The following TRIO variants were observed in gnomAD, a reference collection of about 807,000 sequenced individuals.
TRIO encodes the protein triple functional domain protein.
Under a neutral mutation model 351.9 loss-of-function variants are expected in TRIO, and 58 were observed. That is an observed-to-expected ratio of 0.16 (90% CI 0.13 to 0.21). The LOEUF is 0.21. Ranked by LOEUF, TRIO falls within the 10% of genes least tolerant of loss-of-function variation. TRIO has a pLI of 1.00. For synonymous variants in TRIO, 1,758 were observed against 1,595.7 expected (o/e 1.10, Z -2.42); for missense variants, 3,201 against 4,027.8 (o/e 0.79, Z 5.56).
intron 13 of TRIO, 107 bp downstream of exon 13, chr5:14,359,638 C>T: frequency 7.6e-7 from 1 of 1,312,684 alleles, no homozygotes; most frequent in Non-Finnish European, 1.1e-6. Flanking sequence ...TGTCCTCACC[C>T]ACACCCCAAC....
chr5:14,340,890 G>GTGGT (rs1418874380), intron 11 of TRIO, among the ~76,000 whole-genome samples: 1 of 152,190 alleles, frequency 6.6e-6, no homozygotes, highest in Non-Finnish European at 1.5e-5. Flanking sequence ...AATGCAGCAG[G>GTGGT]TGGTTGATAG....
In TRIO at chr5:14,344,757, G is replaced by T. The variant is rs143081876; in HGVS notation, c.2046+8030G>T. ...CTGCTTAATCTTCCTGTCCTCCTCC[G>T]AGTAATAACCTCACTCTGATCCTAT... On this transcript the variant is annotated intron_variant, in intron 11 of 56. Transcript: ENST00000344204. 2.6e-5 allele frequency among the ~76,000 whole-genome samples: 4 copies of T among 152,220 alleles called. No homozygotes were observed. In the East Asian group the frequency reaches 5.8e-4, roughly 22 times the overall value.
intron 34 of TRIO, among the ~76,000 whole-genome samples, chr5:14,451,011 T>A (rs1469808033): frequency 2.0e-5 from 3 of 152,230 alleles, no homozygotes; most frequent in African/African-American, 7.2e-5. Flanking sequence ...CCTCTCCAGA[T>A]ACTTGCTCAC....
At chr5:14,413,747 T>C (rs781304479) in intron 33 of TRIO, among the ~76,000 whole-genome samples, 9 of 152,168 alleles carry the variant, frequency 5.9e-5, no homozygotes, top group Non-Finnish European at 1.3e-4. Context: ...TAAGTTTGGT[T>C]AGAAATGTTA....
chr5:14,340,397 GAAAAAAAA>G (rs33944910), intron 11 of TRIO, among the ~76,000 whole-genome samples: 2 of 131,512 alleles, frequency 1.5e-5, no homozygotes, highest in South Asian at 4.9e-4. Context: ...ACTCCGTCTG[GAAAAAAAA>G]AAAAAAAAAG....
At position 14,487,639 on chromosome 5, in the gene TRIO, G is replaced by T; in HGVS notation, c.7011G>T (p.Arg2337=). 3.2e-6 allele frequency: 4 copies of T among 1,250,018 alleles called. No individual in the cohort carries two copies. Among genetic ancestry groups the T allele is most frequent in the Non-Finnish European group, 4.1e-6 (4 of 985,730 alleles). 77.4% of individuals were successfully genotyped at this position (1,250,018 alleles called of 1,614,324 possible). A position where few individuals can be genotyped will look rare whatever the true frequency, so the allele number is the denominator to read the frequency against. Residue 2337 remains arginine (R), a synonymous_variant, in exon 48 of 57, where the codon CGG becomes CGT. Coordinates refer to ENST00000344204, the MANE Select transcript of TRIO (RefSeq NM_007118.4). ...CGGAPSTSRS[R]PSRIPQPVRH... is the part of the protein sequence containing the mutation. The stretch of plus-strand genomic sequence containing the variant: ...GCGCCCCCAGCACGAGCAGGAGCCG[G>T]CCCTCCCGGATCCCCCAGCCTGTCC...
At chr5:14,145,160 C>T (rs545824527) in intron 1 of TRIO, among the ~76,000 whole-genome samples, 1 of 152,290 alleles carries the variant, frequency 6.6e-6, no homozygotes, top group East Asian at 1.9e-4. Context: ...TTTTCCGTGG[C>T]CTCTTTGAAA....
chr5:14,504,409 G>A lies in TRIO; in HGVS notation c.8428G>A (p.Val2810Ile), dbSNP rs753188120. ...AELGRGRFSV[V>I]KKCDQKGTKR... is the part of the protein sequence containing the mutation. ...ATTTTACAGGGGCAGATTCTCTGTC[G>A]TTAAGAAATGTGATCAGAAAGGAAC... Residue 2810 changes from valine (V) to isoleucine (I), a missense_variant, in exon 55 of 57, where the codon GTT becomes ATT. Physicochemically the swap from Val to Ile is conservative, Grantham distance 29. This residue lies in a region of TRIO where 1,089 missense variants were observed against 954.9 expected (regional missense o/e 1.14). Coordinates refer to ENST00000344204, the MANE Select transcript of TRIO (RefSeq NM_007118.4). The A allele has an allele frequency of 1.9e-5, 31 of 1,614,182 alleles. No individual in the cohort carries two copies. Among genetic ancestry groups the A allele is most frequent in the Non-Finnish European group, 2.5e-5 (29 of 1,180,034 alleles).
chr5:14,322,139 T>G (rs1739946642), intron 9 of TRIO, among the ~76,000 whole-genome samples: 1 of 152,016 alleles, frequency 6.6e-6, no homozygotes, highest in East Asian at 1.9e-4. Flanking sequence ...TTCACTGGTG[T>G]TTCCCAAGTG....
chr5:14,372,628 T>C (rs566068726), intron 18 of TRIO, among the ~76,000 whole-genome samples: 1 of 152,332 alleles, frequency 6.6e-6, no homozygotes, highest in African/African-American at 2.4e-5. Context: ...CTTGATCCTT[T>C]TTATTTGCCA....
chr5:14,334,416 G>C (rs1741205648), intron 10 of TRIO, among the ~76,000 whole-genome samples: 2 of 152,142 alleles, frequency 1.3e-5, no homozygotes, highest in African/African-American at 4.8e-5. Flanking sequence ...TCACGTCTCA[G>C]ATCATTCAGA....
chr5:14,289,711 G>T (rs559165219), intron 4 of TRIO, among the ~76,000 whole-genome samples: 9 of 152,034 alleles, frequency 5.9e-5, no homozygotes, highest in Admixed American at 5.9e-4. Context: ...TTAGCCTGGT[G>T]TGGTGGTGGG....
chr5:14,328,544 T>C (rs1275421869), intron 9 of TRIO, among the ~76,000 whole-genome samples: 4 of 152,254 alleles, frequency 2.6e-5, no homozygotes. Flanking sequence ...CTCAATACTC[T>C]AGTTAAAATA....
Position 14,472,596 on chromosome 5 carries a change from G to A in TRIO, c.5917G>A (p.Val1973Ile), listed in dbSNP as rs1391228082. The part of the protein sequence containing the change: ...KSSSLKRRHY[V>I]LQELVETERD... ...AACAATATTTTTTCTCTCCAGCTAC[G>A]TTTTGCAAGAACTAGTGGAGACAGA... Residue 1973 changes from valine to isoleucine, a missense_variant, in exon 39 of 57, where the codon GTT becomes ATT. Coordinates refer to ENST00000344204, the MANE Select transcript of TRIO (RefSeq NM_007118.4). 12 of 1,613,922 alleles carry A rather than the reference G, an allele frequency of 7.4e-6. No homozygotes were observed. The highest frequency in any genetic ancestry group is 3.3e-5 in the South Asian group (3 of 91,074).
chr5:14,507,325 G>A lies in TRIO; in HGVS notation c.8751+65G>A, dbSNP rs1052610858. On this transcript the variant is annotated intron_variant, in intron 56 of 56. Transcript: ENST00000344204. The stretch of plus-strand genomic sequence containing the variant: ...CACCGGCTTGGCCATGCGGGACACA[G>A]AGCCCCCTCTGAAGCCAGGCCAGGA... 2.4e-5 allele frequency: 38 copies of A among 1,589,516 alleles called. No individual in the cohort carries two copies. The Admixed American group carries it at 6.9e-4, about 29-fold the overall frequency.
At chr5:14,285,166 G>A (rs1336080222) in intron 3 of TRIO, among the ~76,000 whole-genome samples, 1 of 152,188 alleles carries the variant, frequency 6.6e-6, no homozygotes, top group Non-Finnish European at 1.5e-5. Context: ...ACCTAATTGG[G>A]ATGTGGAGGA....
chr5:14,172,888 T>C (rs1306001162), intron 1 of TRIO, among the ~76,000 whole-genome samples: 1 of 152,202 alleles, frequency 6.6e-6, no homozygotes, highest in Non-Finnish European at 1.5e-5. Context: ...CAGAGTGGAC[T>C]CTGGAAGAGC....
intron 1 of TRIO, among the ~76,000 whole-genome samples, chr5:14,239,788 A>C (rs1794017204): frequency 6.6e-6 from 1 of 152,254 alleles, no homozygotes; most frequent in South Asian, 2.1e-4. Context: ...AATTCACTTC[A>C]GCAATGAAGA....
At chr5:14,281,999 G>A (rs1395149131) in intron 3 of TRIO, among the ~76,000 whole-genome samples, 1 of 152,216 alleles carries the variant, frequency 6.6e-6, no homozygotes, top group East Asian at 1.9e-4. Context: ...TAACAGGGCT[G>A]GCTGTGGCTG....
Sources: allele counts gnomAD v4.1 joint callset (sites outside exome capture counted in the v4.1 genomes callset), GRCh38; gene constraint gnomAD v4.1.1; regional missense constraint gnomAD v4.1.1; transcripts MANE v1.5; gene names NCBI Gene and HGNC (gene_info 2026-07-23, HGNC 2026-07-21).